Variants in CLASP2 observed in about 807,000 individuals in gnomAD.
CLASP2 encodes cytoplasmic linker associated protein 2.
Under a neutral mutation model 194.4 loss-of-function variants are expected in CLASP2, and 47 were observed. The observed-to-expected ratio is 0.24, with a 90% confidence interval of 0.19 to 0.31. The LOEUF is 0.31. Among genes scored for constraint, CLASP2 ranks in the 10% least tolerant of loss-of-function variants. The pLI is 1.00. For missense variants in CLASP2, 1,445 were observed against 1,823.6 expected (o/e 0.79, Z 3.78); for synonymous variants, 619 against 633.5 (o/e 0.98, Z 0.34).
In CLASP2 at chr3:33,541,076, A is replaced by G. The variant is rs1359184759; in HGVS notation, c.3405-2134T>C. On this transcript the variant is annotated intron_variant, in intron 32 of 38. Transcript: ENST00000682230. ...GTGTGAATGAATTATTGTGGAAGAT[A>G]GTGTGGCAATTCCTCAAAGACCTAG... 5.9e-5 allele frequency among the ~76,000 whole-genome samples: 9 copies of G among 152,218 alleles called. 1 individual carries two copies. The highest frequency in any genetic ancestry group is 5.9e-4 in the Admixed American group (9 of 15,284).
rs1412577805 is a variant in CLASP2 at position 33,544,804 on chromosome 3, T to C, written c.3191A>G (p.Asn1064Ser). The C allele has an allele frequency of 1.9e-6, 3 of 1,612,742 alleles. No homozygotes were observed. Among genetic ancestry groups the C allele is most frequent in the Admixed American group, 1.7e-5 (1 of 59,906 alleles). ...TAATAACATTGTAAACTCTGGGGTA[T>C]TGAGTTCAAATAATGAAATCAGCAC... Reference protein sequence around the residue: ...QSVLISLFELNTPEFTMLLGA... With the variant: ...QSVLISLFELSTPEFTMLLGA... The change falls in exon 31 of 39, where the codon AAT (asparagine) becomes AGT (serine). Residue 1064 changes from asparagine to serine, a missense_variant. Physicochemically the swap from Asn to Ser is conservative, Grantham distance 46 (BLOSUM62 1). Around this residue, in one of 4 missense-constraint regions of CLASP2, gnomAD observed 732 missense variants for 987.9 expected, o/e 0.74. Coordinates refer to ENST00000682230, the MANE Select transcript of CLASP2 (RefSeq NM_001365631.1).
In CLASP2 at chr3:33,543,477, A is replaced by G. The variant is rs377568033; in HGVS notation, c.3360T>C (p.Pro1120=). ...GTGATGTATTGGTAGGAGAAGTAAGAGGACTGGACCAGTTAGCTGGTGATC... is the reference window on the plus strand; with the variant it reads ...GTGATGTATTGGTAGGAGAAGTAAGGGGACTGGACCAGTTAGCTGGTGATC... ...TPRSPANWSS[P]LTSPTNTSQN... The change falls in exon 32 of 39, where the codon CCT becomes CCC. Residue 1120 remains proline, a synonymous_variant. Transcript: ENST00000682230. The G allele has an allele frequency of 1.2e-6, 2 of 1,613,202 alleles. No individual in the cohort carries two copies. The highest frequency in any genetic ancestry group is 8.5e-7 in the Non-Finnish European group (1 of 1,179,136).
chr3:33,577,299 A>G (rs2065110341), intron 23 of CLASP2: 3 of 1,547,652 alleles, frequency 1.9e-6, no homozygotes, highest in Admixed American at 1.7e-5. Flanking sequence ...CTCATCTATT[A>G]CCACAGAAAC....
At chr3:33,533,619 T>C (rs1283727783) in intron 34 of CLASP2, among the ~76,000 whole-genome samples, 1 of 152,254 alleles carries the variant, frequency 6.6e-6, no homozygotes, top group East Asian at 1.9e-4. Flanking sequence ...CCAACTATTC[T>C]GAGATGTAAA....
intron 1 of CLASP2, among the ~76,000 whole-genome samples, chr3:33,699,874 A>T (rs2092249724): frequency 8.1e-6 from 1 of 122,988 alleles, no homozygotes; most frequent in Non-Finnish European, 1.7e-5. Context: ...TGTACTACCA[A>T]AAAAAAAAAA....
chr3:33,662,448 T>C (rs1482327937), intron 7 of CLASP2, among the ~76,000 whole-genome samples: 1 of 152,198 alleles, frequency 6.6e-6, no homozygotes. Flanking sequence ...AGAAGTGAAG[T>C]GAGAATCTTC....
intron 6 of CLASP2, among the ~76,000 whole-genome samples, chr3:33,677,569 G>C (rs2088967290): frequency 9.3e-6 from 1 of 107,848 alleles, no homozygotes; most frequent in South Asian, 4.1e-4. Context: ...TGGGGGGAGG[G>C]GGGAGGGATA....
rs1028777037 is a variant in CLASP2, at chr3:33,694,977, GAGAC to G, written c.274+1874_274+1877del. Among the ~76,000 whole-genome samples the G allele has an allele frequency of 1.4e-4, 21 of 150,456 alleles. 1 individual carries two copies. Among genetic ancestry groups the G allele is most frequent in the African/African-American group, 4.4e-4 (18 of 40,998 alleles). ...AAACAAAGGAAGGAAAGAAAATAAA[GAGAC>G]AGACAGAGACAGTGAGAGAAAGAAA... On this transcript the variant is annotated intron_variant, in intron 2 of 38. Transcript: ENST00000682230.
At chr3:33,587,162 G>C (rs1003359352) in intron 21 of CLASP2, among the ~76,000 whole-genome samples, 4 of 150,712 alleles carry the variant, frequency 2.7e-5, no homozygotes, top group African/African-American at 9.8e-5. Flanking sequence ...GTCTTGCTCT[G>C]TCGCCCAGGC....
At chr3:33,644,492 T>A in intron 8 of CLASP2, 1 of 406,332 alleles carries the variant, frequency 2.5e-6, no homozygotes, top group Non-Finnish European at 4.5e-6. Context: ...CCAAAAAACT[T>A]CCATAAATCT....
At chr3:33,636,951 C>G (rs757431629) in intron 8 of CLASP2, among the ~76,000 whole-genome samples, 2 of 152,004 alleles carry the variant, frequency 1.3e-5, no homozygotes, top group Non-Finnish European at 2.9e-5. Flanking sequence ...AGTAAATTAC[C>G]AACTATCCAA....
chr3:33,516,824 T>G (rs1253305703), intron 35 of CLASP2, among the ~76,000 whole-genome samples, 157 bp downstream of exon 35: 1 of 152,174 alleles, frequency 6.6e-6, no homozygotes, highest in Non-Finnish European at 1.5e-5. Flanking sequence ...GCTACTTGGT[T>G]TAGAAGAAAA....
intron 6 of CLASP2, among the ~76,000 whole-genome samples, chr3:33,667,366 G>GTCA (rs1439852084): frequency 1.6e-5 from 2 of 126,826 alleles, no homozygotes; most frequent in African/African-American, 6.2e-5. Flanking sequence ...CCGAGATCGT[G>GTCA]TCACTGCACT....
In CLASP2 at chr3:33,594,963, C is replaced by G. The variant is rs1397285719; in HGVS notation, c.1954G>C (p.Ala652Pro). ...GTATAGTTCTTACCATCTTCAGATG[C>G]TGTTCCTAAATAAGAAAAATAAAAC... ...EDTSDKLDGT[A>P]SEDGRVRAKL... Residue 652 changes from alanine (A) to proline (P), a missense_variant, in exon 20 of 39, where the codon GCA becomes CCA. Ala to Pro is a conservative substitution (Grantham distance 27, BLOSUM62 -1). This residue lies in a region of CLASP2 where 174 missense variants were observed against 179.0 expected (regional missense o/e 0.97). Transcript: ENST00000682230. The G allele has an allele frequency of 8.4e-6, 12 of 1,427,052 alleles. No homozygotes were observed. The allele number at this position is 1,427,052 out of a possible 1,614,324, so 88.4% of individuals were successfully genotyped here.
At chr3:33,592,692 C>T in intron 20 of CLASP2, 196 bp from the exon 21 acceptor site, 1 of 633,536 alleles carries the variant, frequency 1.6e-6, no homozygotes, top group East Asian at 3.0e-5. Flanking sequence ...GCTAATTTTC[C>T]TTCAAGGATA....
At chr3:33,651,753 G>A (rs981138187) in intron 7 of CLASP2, among the ~76,000 whole-genome samples, 24 of 147,466 alleles carry the variant, frequency 1.6e-4, no homozygotes, top group African/African-American at 4.8e-4. Flanking sequence ...TCTGCCTCCC[G>A]AGTTCAAGCG....
intron 34 of CLASP2, among the ~76,000 whole-genome samples, chr3:33,520,015 CTCTT>C (rs1398006429): frequency 6.6e-6 from 1 of 152,050 alleles, no homozygotes; most frequent in African/African-American, 2.4e-5. Context: ...TGTTATCTCT[CTCTT>C]TTCTTTTTTT....
intron 38 of CLASP2, among the ~76,000 whole-genome samples, chr3:33,499,742 A>G (rs868188072): frequency 3.3e-5 from 5 of 152,204 alleles, no homozygotes; most frequent in African/African-American, 1.2e-4. Flanking sequence ...CAAACAATTG[A>G]GTACTAGGTG....
chr3:33,618,022 C>T (rs900076711), intron 12 of CLASP2, among the ~76,000 whole-genome samples: 1 of 149,734 alleles, frequency 6.7e-6, no homozygotes, highest in South Asian at 2.1e-4. Flanking sequence ...AATCTCGGCT[C>T]ACAACAACCT....
Sources: allele counts gnomAD v4.1 joint callset (sites outside exome capture counted in the v4.1 genomes callset), GRCh38; gene constraint gnomAD v4.1.1; regional missense constraint gnomAD v4.1.1; transcripts MANE v1.5; gene names NCBI Gene and HGNC (gene_info 2026-07-23, HGNC 2026-07-21).